PIKFYVE: variants seen among roughly 807,000 people sequenced by gnomAD.
PIKFYVE encodes phosphoinositide kinase, FYVE-type zinc finger containing, also known as 1-phosphatidylinositol 3-phosphate 5-kinase.
PIKFYVE carries 122 observed loss-of-function variants against 257.9 expected under a neutral mutation model. The ratio of observed to expected loss-of-function variants is 0.47; its 90% CI spans 0.41 to 0.55. The LOEUF (loss-of-function observed/expected upper bound fraction) is 0.55. Ranked by LOEUF, PIKFYVE falls within the 20% of genes least tolerant of loss-of-function variation. The pLI, the probability that PIKFYVE is intolerant of heterozygous loss-of-function variation, is 0.00. For synonymous variants in PIKFYVE, 892 were observed against 868.9 expected (o/e 1.03, Z -0.47); for missense variants, 2,160 against 2,536.6 (o/e 0.85, Z 3.19).
At position 208,338,525 on chromosome 2, in the gene PIKFYVE, A is replaced by G. The variant is rs61752190; in HGVS notation, c.4629A>G (p.Ala1543=). The stretch of plus-strand genomic sequence containing the variant: ...CTCTACAGATAAGTGCGATGGATGC[A>G]TCTCCACGGAATATTTCTCCAGGAC... ...GEESKISAMD[A]SPRNISPGLQ... is the part of the protein sequence containing the mutation. The change falls in exon 29 of 42, where the codon GCA becomes GCG. Residue 1543 remains alanine, a synonymous_variant. Transcript: ENST00000264380. 7,094 of 1,613,410 alleles carry G rather than the reference A, an allele frequency of 4.4e-3. 27 individuals carry two copies. Among genetic ancestry groups the G allele is most frequent in the Non-Finnish European group, 5.3e-3 (6,309 of 1,179,414 alleles).
At chr2:208,321,465 T>C (rs1355570326) in intron 17 of PIKFYVE, among the ~76,000 whole-genome samples, 1 of 152,192 alleles carries the variant, frequency 6.6e-6, no homozygotes, top group Non-Finnish European at 1.5e-5. Context: ...GTTTTCTCTT[T>C]GGAATTCAGC....
Position 208,304,955 on chromosome 2 carries a change from C to T in PIKFYVE, c.1578C>T (p.Phe526=), listed in dbSNP as rs779366449. 6.2e-7 allele frequency: 1 copy of T among 1,614,116 alleles called. No homozygotes were observed. ...SLNVELDNVN[F]HIKKPSKYPH... is the part of the protein sequence containing the mutation. Reference sequence around the variant, plus strand: ...ACGTGGAGCTGGACAACGTGAACTTCCATATCAAGAAGCCCTCCAAGTACC... The same window carrying T: ...ACGTGGAGCTGGACAACGTGAACTTTCATATCAAGAAGCCCTCCAAGTACC... The change falls in exon 12 of 42, where the codon TTC becomes TTT. Residue 526 remains phenylalanine, a synonymous_variant. Coordinates refer to ENST00000264380, the MANE Select transcript of PIKFYVE (RefSeq NM_015040.4).
intron 28 of PIKFYVE, among the ~76,000 whole-genome samples, chr2:208,337,669 C>G (rs1248990239): frequency 2.0e-5 from 3 of 151,968 alleles, no homozygotes; most frequent in African/African-American, 7.3e-5. Context: ...ATGCAATTCT[C>G]AAAGTGTGGT....
chr2:208,286,588 G>A (rs1691603261), intron 6 of PIKFYVE, among the ~76,000 whole-genome samples: 1 of 152,050 alleles, frequency 6.6e-6, no homozygotes, highest in Non-Finnish European at 1.5e-5. Flanking sequence ...CCAGGCTGGA[G>A]TGTAGTGGCG....
intron 17 of PIKFYVE, among the ~76,000 whole-genome samples, chr2:208,321,702 C>G (rs558573085): frequency 4.3e-4 from 66 of 151,806 alleles, no homozygotes; most frequent in African/African-American, 1.4e-3. Flanking sequence ...CTCAGCCTCT[C>G]GAGTAGCTGG....
chr2:208,285,406 A>G (rs961163328), intron 5 of PIKFYVE, among the ~76,000 whole-genome samples: 2 of 152,194 alleles, frequency 1.3e-5, no homozygotes, highest in South Asian at 4.2e-4. Flanking sequence ...GGTATGTTAC[A>G]TTTTAAACTC....
chr2:208,337,057 T>C (rs1239525686), intron 28 of PIKFYVE, 129 bp downstream of exon 28: 2 of 692,978 alleles, frequency 2.9e-6, no homozygotes, highest in Non-Finnish European at 5.0e-6. Context: ...CCATTTTGAA[T>C]TTGTGAGGTT....
intron 7 of PIKFYVE, among the ~76,000 whole-genome samples, chr2:208,293,959 T>C (rs1212027535): frequency 1.3e-5 from 2 of 152,346 alleles, no homozygotes; most frequent in East Asian, 3.9e-4. Context: ...GCTTGGCATC[T>C]GACATTAATT....
At chr2:208,304,357 A>G (rs1403411683) in intron 11 of PIKFYVE, 39 bp downstream of exon 11, 1 of 1,590,790 alleles carries the variant, frequency 6.3e-7, no homozygotes, top group East Asian at 2.2e-5. Context: ...TTGATGGGTC[A>G]TTGCTGTGTA....
intron 21 of PIKFYVE, 106 bp downstream of exon 21, chr2:208,328,386 C>G (rs1697175321): frequency 1.5e-6 from 2 of 1,293,436 alleles, no homozygotes; most frequent in African/African-American, 1.5e-5. Flanking sequence ...TTTAGGTACA[C>G]AGCACACTGC....
At chr2:208,315,035 G>A (rs546834548) in intron 14 of PIKFYVE, among the ~76,000 whole-genome samples, 158 bp from the exon 15 acceptor site, 86 of 152,264 alleles carry the variant, frequency 5.6e-4, no homozygotes, top group African/African-American at 2.0e-3. Flanking sequence ...AATCCTTAAG[G>A]TACAGATATA....
At chr2:208,346,299 CT>C in intron 34 of PIKFYVE, 152 bp downstream of exon 34, 1 of 722,694 alleles carries the variant, frequency 1.4e-6, no homozygotes, top group Non-Finnish European at 2.4e-6. Context: ...TGTATGCCCT[CT>C]TTATACGTGT....
chr2:208,347,005 C>T (rs1333000173), intron 34 of PIKFYVE, among the ~76,000 whole-genome samples: 2 of 152,122 alleles, frequency 1.3e-5, no homozygotes, highest in Non-Finnish European at 2.9e-5. Flanking sequence ...CTGAAAGAGA[C>T]AGAGAAAGTA....
intron 16 of PIKFYVE, among the ~76,000 whole-genome samples, chr2:208,319,525 T>A (rs1695959316): frequency 6.6e-6 from 1 of 152,194 alleles, no homozygotes; most frequent in African/African-American, 2.4e-5. Flanking sequence ...CTTGCCCCAC[T>A]GATTAGAGAT....
chr2:208,269,818 GT>G, intron 1 of PIKFYVE: 1 of 246,064 alleles, frequency 4.1e-6, no homozygotes, highest in Non-Finnish European at 8.8e-6. Flanking sequence ...GGGCTCCTTG[GT>G]TTTCTCAGGG....
In PIKFYVE at chr2:208,273,789, T is replaced by C. The variant is rs1351323963; in HGVS notation, c.322+56T>C. 18 of 1,597,206 alleles carry C rather than the reference T, an allele frequency of 1.1e-5. No homozygotes were observed. The East Asian group carries it at 4.0e-4, about 36-fold the overall frequency. ...TATATGCTAGATTTTTCCACAGTCA[T>C]TGTGTTTCCTAGGTTGTTTATAGCA... On this transcript the variant is annotated intron_variant, in intron 3 of 41. Coordinates refer to ENST00000264380, the MANE Select transcript of PIKFYVE (RefSeq NM_015040.4).
rs1696931113 is a variant in PIKFYVE, at chr2:208,326,443, C to T, written c.3618+14C>T. 1 of 1,610,876 alleles carries T rather than the reference C, an allele frequency of 6.2e-7. No individual in the cohort carries two copies. Among genetic ancestry groups the T allele is most frequent in the Non-Finnish European group, 8.5e-7 (1 of 1,177,214 alleles). ...TGGTCAACAAAGGTGAGCCAGACCA[C>T]TTTCTGATGCTCCTGTGCATTTAGG... On this transcript the variant is annotated intron_variant, in intron 20 of 41. Transcript: ENST00000264380.
chr2:208,304,640 A>G (rs1340254889), intron 11 of PIKFYVE, among the ~76,000 whole-genome samples: 1 of 152,198 alleles, frequency 6.6e-6, no homozygotes, highest in African/African-American at 2.4e-5. Context: ...ATATTTCTTC[A>G]TTTTAAAAAT....
At chr2:208,316,592 C>T (rs1345754503) in intron 15 of PIKFYVE, among the ~76,000 whole-genome samples, 1 of 152,106 alleles carries the variant, frequency 6.6e-6, no homozygotes, top group Non-Finnish European at 1.5e-5. Context: ...GATGGTATCT[C>T]ATTGTGGTTT....
Sources: gnomAD v4.1 joint callset for allele counts (sites outside exome capture counted in the v4.1 genomes callset) on GRCh38, gnomAD v4.1.1 for gene constraint, MANE v1.5 for transcripts, NCBI Gene and HGNC (gene_info 2026-07-23, HGNC 2026-07-21) for gene names.